Variants in PAQR5 observed in about 807,000 individuals in gnomAD.
The protein encoded by PAQR5 is progestin and adipoQ receptor family member 5.
PAQR5 carries 20 observed loss-of-function variants against 34.5 expected under a neutral mutation model. The ratio of observed to expected loss-of-function variants is 0.58; its 90% CI spans 0.41 to 0.84. PAQR5 has a LOEUF of 0.84. Ranked by LOEUF, PAQR5 falls within the 40% of genes least tolerant of loss-of-function variation. The pLI, the probability that PAQR5 is intolerant of heterozygous loss-of-function variation, is 0.00. For synonymous variants in PAQR5, 131 were observed against 155.6 expected (o/e 0.84, Z 1.18); for missense variants, 378 against 412.7 (o/e 0.92, Z 0.73).
chr15:69,350,558 G>A (rs1324941643), intron 2 of PAQR5, among the ~76,000 whole-genome samples: 2 of 152,114 alleles, frequency 1.3e-5, no homozygotes, highest in African/African-American at 2.4e-5. Flanking sequence ...CGCAAGAATC[G>A]CTTGAACTCA....
At chr15:69,305,765 C>T (rs1428383455) in intron 1 of PAQR5, among the ~76,000 whole-genome samples, 2 of 152,122 alleles carry the variant, frequency 1.3e-5, no homozygotes. Context: ...ACGCCTGCGC[C>T]GGCCTACCCT....
intron 2 of PAQR5, among the ~76,000 whole-genome samples, chr15:69,358,135 A>C (rs1387772638): frequency 6.6e-6 from 1 of 152,052 alleles, no homozygotes; most frequent in African/African-American, 2.4e-5. Context: ...GAAATTTACT[A>C]TGGTAAATTC....
intron 1 of PAQR5, among the ~76,000 whole-genome samples, chr15:69,311,348 T>C (rs1463566486): frequency 2.0e-5 from 3 of 152,124 alleles, no homozygotes; most frequent in Non-Finnish European, 4.4e-5. Context: ...AGTTCACCGA[T>C]GTAGCAAGAG....
chr15:69,379,569 G>A (rs2055821386), intron 3 of PAQR5: 2 of 985,420 alleles, frequency 2.0e-6, no homozygotes, highest in South Asian at 9.4e-5. Context: ...CCAGGCAGAG[G>A]GGTGAGAAAA....
intron 2 of PAQR5, among the ~76,000 whole-genome samples, chr15:69,340,364 G>A (rs1354560004): frequency 1.3e-5 from 2 of 151,946 alleles, no homozygotes; most frequent in Non-Finnish European, 2.9e-5. Context: ...TTTTCCATAC[G>A]ATTCTATCTT....
intron 1 of PAQR5, among the ~76,000 whole-genome samples, chr15:69,315,018 G>A (rs2053914824): frequency 6.6e-6 from 1 of 152,134 alleles, no homozygotes; most frequent in Admixed American, 6.5e-5. Flanking sequence ...CACTCTGGAG[G>A]AGCAGTGCAG....
At chr15:69,333,508 T>G (rs939847821) in intron 1 of PAQR5, among the ~76,000 whole-genome samples, 7 of 152,138 alleles carry the variant, frequency 4.6e-5, no homozygotes, top group African/African-American at 1.4e-4. Flanking sequence ...ACCTGGAAGA[T>G]AAGGAGGCGT....
chr15:69,307,999 C>T (rs2053755782), intron 1 of PAQR5, among the ~76,000 whole-genome samples: 1 of 152,140 alleles, frequency 6.6e-6, no homozygotes, highest in South Asian at 2.1e-4. Context: ...TGGAGATGAA[C>T]TTAGAGACGA....
At position 69,399,903 on chromosome 15, in the gene PAQR5, G is replaced by A. The variant is rs1567044429; in HGVS notation, c.610-71G>A. On this transcript the variant is annotated intron_variant, in intron 7 of 8. Transcript: ENST00000395407. The stretch of plus-strand genomic sequence containing the variant: ...AGAGCCCCCAAAGTCCCAGATGCAG[G>A]TGCTGAGAAGGAAGAGGGCCTGCCT... 9.3e-6 allele frequency: 14 copies of A among 1,502,606 alleles called. No homozygotes were observed. The East Asian group carries it at 1.4e-4, about 15-fold the overall frequency. The allele number at this position is 1,502,606 out of a possible 1,614,324, so 93.1% of individuals were successfully genotyped here.
rs537713271 is a variant in PAQR5, at chr15:69,348,818, C to T, written c.-115-11148C>T. 2.0e-5 allele frequency among the ~76,000 whole-genome samples: 3 copies of T among 152,242 alleles called. No homozygotes were observed. The East Asian group carries it at 5.8e-4, about 29-fold the overall frequency. Reference sequence around the variant, plus strand: ...CAGGTAGCTGTACTCAGTGAATACACTAGACAAAGGGTGATTCACAGGGAT... The same window carrying T: ...CAGGTAGCTGTACTCAGTGAATACATTAGACAAAGGGTGATTCACAGGGAT... On this transcript the variant is annotated intron_variant, in intron 2 of 8. Coordinates refer to ENST00000395407, the MANE Select transcript of PAQR5 (RefSeq NM_017705.4).
intron 6 of PAQR5, among the ~76,000 whole-genome samples, chr15:69,390,524 T>A (rs1217924156): frequency 2.0e-5 from 3 of 152,060 alleles, no homozygotes; most frequent in African/African-American, 7.2e-5. Context: ...TACAAGGCTT[T>A]ACAAATTATG....
chr15:69,313,637 G>C (rs1302132423), intron 1 of PAQR5, among the ~76,000 whole-genome samples: 1 of 152,106 alleles, frequency 6.6e-6, no homozygotes, highest in Non-Finnish European at 1.5e-5. Context: ...TAGGAAAGGG[G>C]AAGGAAGAGA....
chr15:69,316,073 T>C (rs937900760), intron 1 of PAQR5, among the ~76,000 whole-genome samples: 10 of 152,170 alleles, frequency 6.6e-5, no homozygotes, highest in Non-Finnish European at 1.3e-4. Context: ...TCATTATTCA[T>C]AGGGTTTTTT....
intron 1 of PAQR5, among the ~76,000 whole-genome samples, chr15:69,317,698 C>A (rs2053986822): frequency 6.6e-6 from 1 of 152,174 alleles, no homozygotes; most frequent in South Asian, 2.1e-4. Flanking sequence ...GGTGCAGCAG[C>A]TCCCTGGACG....
intron 1 of PAQR5, among the ~76,000 whole-genome samples, chr15:69,308,682 C>T (rs1270670902): frequency 6.6e-6 from 1 of 152,118 alleles, no homozygotes; most frequent in Non-Finnish European, 1.5e-5. Flanking sequence ...TTATGTTAAT[C>T]TGAATTCCAG....
At chr15:69,336,274 A>G (rs4569202) in intron 1 of PAQR5, among the ~76,000 whole-genome samples, 2 of 152,066 alleles carry the variant, frequency 1.3e-5, no homozygotes, top group East Asian at 3.8e-4. Flanking sequence ...TATAAATTAT[A>G]TCTCTTTCTA....
At position 69,314,751 on chromosome 15, in the gene PAQR5, C is replaced by T. The variant is rs980451530; in HGVS notation, c.-277+15695C>T. The stretch of plus-strand genomic sequence containing the variant: ...GGGAACACCCCGCATTGTCCCAAGG[C>T]CTCAGATTTGACTTTCAAAGGGAAA... On this transcript the variant is annotated intron_variant, in intron 1 of 8. Transcript: ENST00000395407. 2.0e-5 allele frequency: 3 copies of T among 152,340 alleles called. No homozygotes were observed. The East Asian group carries it at 5.8e-4, about 29-fold the overall frequency. The allele number at this position is 152,340 out of a possible 1,614,324, so 9.4% of individuals were successfully genotyped here. A position where few individuals can be genotyped will look rare whatever the true frequency, so the allele number is the denominator to read the frequency against.
rs2055814873 is a variant in PAQR5, at chr15:69,379,381, T to C, written c.52-502T>C. 3.1e-6 allele frequency: 3 copies of C among 975,176 alleles called. No individual in the cohort carries two copies. In the South Asian group the frequency reaches 1.4e-4, roughly 46 times the overall value. The allele number at this position is 975,176 out of a possible 1,614,324, so 60.4% of individuals were successfully genotyped here. A position where few individuals can be genotyped will look rare whatever the true frequency, so the allele number is the denominator to read the frequency against. On this transcript the variant is annotated intron_variant, in intron 3 of 8. Coordinates refer to ENST00000395407, the MANE Select transcript of PAQR5 (RefSeq NM_017705.4). ...TCTTCCTGCAGCCCAGGCATCAGCATCGTGGTCCTCATCATCAAAAGCCCT... is the reference window on the plus strand; with the variant it reads ...TCTTCCTGCAGCCCAGGCATCAGCACCGTGGTCCTCATCATCAAAAGCCCT...
chr15:69,351,041 C>T (rs1269357419), intron 2 of PAQR5, among the ~76,000 whole-genome samples: 1 of 152,142 alleles, frequency 6.6e-6, no homozygotes, highest in East Asian at 1.9e-4. Context: ...AGTTTTAGCT[C>T]GGGTCTGACT....
Sources: allele counts gnomAD v4.1 joint callset (sites outside exome capture counted in the v4.1 genomes callset), GRCh38; gene constraint gnomAD v4.1.1; transcripts MANE v1.5; gene names NCBI Gene and HGNC (gene_info 2026-07-23, HGNC 2026-07-21).